The following CSMD3 variants were observed in gnomAD, a reference collection of about 807,000 sequenced individuals.
CSMD3 encodes the protein CUB and sushi domain-containing protein 3.
CSMD3 carries 177 observed loss-of-function variants against 435.2 expected under a neutral mutation model. The ratio of observed to expected loss-of-function variants is 0.41; its 90% confidence interval spans 0.36 to 0.46. The LOEUF (loss-of-function observed/expected upper bound fraction) is 0.46. Among genes scored for constraint, CSMD3 ranks in the 20% least tolerant of loss-of-function variants. The pLI is 0.34. For synonymous variants in CSMD3, 1,656 were observed against 1,520.5 expected, an observed-to-expected ratio of 1.09 and a Z score of -2.07; for missense variants, 4,265 against 4,504.6, an observed-to-expected ratio of 0.95 and a Z score of 1.52.
intron 13 of CSMD3, among the ~76,000 whole-genome samples, chr8:112,735,115 C>CGA (rs1031361110): frequency 1.3e-5 from 2 of 151,972 alleles, no homozygotes; most frequent in Non-Finnish European, 2.9e-5. Context: ...AAGTGTCCAA[C>CGA]TCTGAGACAA....
chr8:112,276,443 T>C (rs1228718733), intron 59 of CSMD3, among the ~76,000 whole-genome samples: 1 of 152,162 alleles, frequency 6.6e-6, no homozygotes, highest in Non-Finnish European at 1.5e-5. Context: ...AGACTCTGTG[T>C]AGGGGCTCCA....
At chr8:113,148,926 T>C (rs1385866939) in intron 4 of CSMD3, among the ~76,000 whole-genome samples, 2 of 151,770 alleles carry the variant, frequency 1.3e-5, no homozygotes, top group African/African-American at 4.8e-5. Flanking sequence ...AATCAGTATA[T>C]ACATGTTTAT....
At chr8:113,261,667 C>T (rs1289872899) in intron 3 of CSMD3, among the ~76,000 whole-genome samples, 12 of 152,148 alleles carry the variant, frequency 7.9e-5, no homozygotes, top group Admixed American at 4.6e-4. Context: ...GTTAAGGGTG[C>T]CATTTCTTAA....
At chr8:112,879,102 G>A (rs1452105786) in intron 10 of CSMD3, among the ~76,000 whole-genome samples, 1 of 152,094 alleles carries the variant, frequency 6.6e-6, no homozygotes, top group East Asian at 1.9e-4. Context: ...CCTGGGATCT[G>A]GGCAGGACAG....
chr8:113,161,574 G>T (rs905459800), intron 4 of CSMD3, among the ~76,000 whole-genome samples: 1 of 151,922 alleles, frequency 6.6e-6, no homozygotes, highest in African/African-American at 2.4e-5. Flanking sequence ...AACTTTTTGT[G>T]GTCTGCCAAA....
intron 38 of CSMD3, among the ~76,000 whole-genome samples, chr8:112,359,768 A>G (rs776674990): frequency 2.6e-5 from 4 of 152,116 alleles, no homozygotes; most frequent in Non-Finnish European, 5.9e-5. Flanking sequence ...GAGAGTCTGT[A>G]CATTGCAATC....
intron 1 of CSMD3, among the ~76,000 whole-genome samples, chr8:113,410,647 C>T (rs1028818387): frequency 6.6e-6 from 1 of 151,418 alleles, no homozygotes; most frequent in Non-Finnish European, 1.5e-5. Context: ...GTTTTTTATA[C>T]ACCTGTAATC....
intron 45 of CSMD3, among the ~76,000 whole-genome samples, chr8:112,329,061 A>G (rs1256517900): frequency 2.0e-5 from 3 of 152,186 alleles, no homozygotes; most frequent in Admixed American, 2.0e-4. Context: ...GAACATTTCA[A>G]TATCTGTTGC....
chr8:112,609,492 A>G (rs1041753110), intron 22 of CSMD3, among the ~76,000 whole-genome samples: 2 of 152,086 alleles, frequency 1.3e-5, no homozygotes, highest in Admixed American at 6.6e-5. Context: ...TAGCATGTCT[A>G]TTGTAATAAA....
intron 13 of CSMD3, among the ~76,000 whole-genome samples, chr8:112,726,523 A>T (rs1229291757): frequency 6.6e-6 from 1 of 151,864 alleles, no homozygotes. Flanking sequence ...TATATATATA[A>T]AAGAGAAGAT....
intron 10 of CSMD3, among the ~76,000 whole-genome samples, chr8:112,880,460 T>G (rs1436740790): frequency 1.3e-5 from 2 of 152,022 alleles, no homozygotes; most frequent in African/African-American, 4.8e-5. Context: ...GCTACCCTGA[T>G]TTTAGAGAAG....
intron 6 of CSMD3, among the ~76,000 whole-genome samples, chr8:112,995,061 G>T (rs1203106431): frequency 6.6e-6 from 1 of 151,314 alleles, no homozygotes; most frequent in Non-Finnish European, 1.5e-5. Context: ...AATTCCCAAG[G>T]CACTATTCTC....
chr8:112,513,785 G>T (rs1823388385), intron 28 of CSMD3, among the ~76,000 whole-genome samples: 1 of 152,268 alleles, frequency 6.6e-6, no homozygotes, highest in South Asian at 2.1e-4. Flanking sequence ...AGACCAGAAT[G>T]ATAGCAAAAT....
chr8:112,309,460 A>G (rs1310044216), intron 50 of CSMD3, among the ~76,000 whole-genome samples: 1 of 151,790 alleles, frequency 6.6e-6, no homozygotes, highest in Non-Finnish European at 1.5e-5. Context: ...TTATAAGCTT[A>G]TTTTATATCT....
intron 6 of CSMD3, among the ~76,000 whole-genome samples, chr8:112,999,020 G>A (rs1221774449): frequency 6.6e-6 from 1 of 151,860 alleles, no homozygotes; most frequent in Non-Finnish European, 1.5e-5. Flanking sequence ...TTACAGCAGT[G>A]TGAGAACAAA....
chr8:113,250,631 A>G (rs1311410101), intron 3 of CSMD3, among the ~76,000 whole-genome samples: 1 of 152,150 alleles, frequency 6.6e-6, no homozygotes, highest in Non-Finnish European at 1.5e-5. Flanking sequence ...AGATGGGGCC[A>G]AACAGACAAT....
intron 67 of CSMD3, among the ~76,000 whole-genome samples, chr8:112,235,652 C>T (rs1191050488): frequency 1.3e-5 from 2 of 152,030 alleles, no homozygotes; most frequent in Non-Finnish European, 2.9e-5. Context: ...TTGTTTAAAA[C>T]TTGACTGTAT....
At chr8:112,720,919 C>T (rs1474351413) in intron 13 of CSMD3, among the ~76,000 whole-genome samples, 3 of 152,094 alleles carry the variant, frequency 2.0e-5, no homozygotes, top group Non-Finnish European at 4.4e-5. Context: ...CTGAAATTAT[C>T]AGTTTGGAAT....
At chr8:113,101,595 G>C (rs2090332063) in intron 4 of CSMD3, among the ~76,000 whole-genome samples, 1 of 151,988 alleles carries the variant, frequency 6.6e-6, no homozygotes, top group African/African-American at 2.4e-5. Flanking sequence ...ACATGGAAGA[G>C]AGAACAACCC....
Sources: gnomAD v4.1 joint callset for allele counts (sites outside exome capture counted in the v4.1 genomes callset) on GRCh38, gnomAD v4.1.1 for gene constraint, MANE v1.5 for transcripts, NCBI Gene and HGNC (gene_info 2026-07-23, HGNC 2026-07-21) for gene names.